The following CWC27 variants were observed in gnomAD, a reference collection of about 807,000 sequenced individuals.
The protein encoded by CWC27 is CWC27 spliceosome associated cyclophilin.
In CWC27, 47 loss-of-function variants were observed where a neutral mutation model predicts 63.6. The ratio of observed to expected loss-of-function variants is 0.74; its 90% CI spans 0.58 to 0.94. The LOEUF is 0.94. Among genes scored for constraint, CWC27 ranks in the 40% least tolerant of loss-of-function variants. The pLI is 0.00. For synonymous variants in CWC27, 175 were observed against 179.8 expected, an observed-to-expected ratio of 0.97 and a Z score of 0.22; for missense variants, 495 against 554.3, an observed-to-expected ratio of 0.89 and a Z score of 1.07.
intron 10 of CWC27, among the ~76,000 whole-genome samples, chr5:64,863,084 T>C (rs1746450677): frequency 6.6e-6 from 1 of 152,204 alleles, no homozygotes; most frequent in South Asian, 2.1e-4. Flanking sequence ...CAGTATCTCC[T>C]ACCCTTTTAA....
intron 11 of CWC27, among the ~76,000 whole-genome samples, chr5:64,925,327 T>C (rs1387686058): frequency 6.6e-6 from 1 of 152,188 alleles, no homozygotes; most frequent in African/African-American, 2.4e-5. Context: ...TTTACACATC[T>C]TCACCCAAAC....
At chr5:64,828,279 C>T (rs553287799) in intron 10 of CWC27, among the ~76,000 whole-genome samples, 1 of 152,272 alleles carries the variant, frequency 6.6e-6, no homozygotes, top group East Asian at 1.9e-4. Context: ...CTCTGTCCCA[C>T]TTAATCTTCC....
At chr5:64,799,602 A>ATATATATATATATATATATATGTG (rs143997810) in intron 7 of CWC27, among the ~76,000 whole-genome samples, 1 of 132,830 alleles carries the variant, frequency 7.5e-6, no homozygotes, top group Non-Finnish European at 1.6e-5. Context: ...ATATATATAT[A>ATATATATATATATATATATATGTG]CTTAATAGCA....
intron 11 of CWC27, among the ~76,000 whole-genome samples, chr5:64,924,855 C>T (rs1385689656): frequency 1.3e-5 from 2 of 152,036 alleles, no homozygotes; most frequent in Non-Finnish European, 2.9e-5. Context: ...TTATGTAAAG[C>T]ATTTAGCATA....
At chr5:64,849,800 C>A (rs541343705) in intron 10 of CWC27, among the ~76,000 whole-genome samples, 1 of 147,898 alleles carries the variant, frequency 6.8e-6, no homozygotes, top group South Asian at 2.1e-4. Context: ...TGTGGCAGTT[C>A]TCTCTCTCTC....
At chr5:64,809,520 A>G (rs1744804030) in intron 10 of CWC27, among the ~76,000 whole-genome samples, 2 of 152,120 alleles carry the variant, frequency 1.3e-5, no homozygotes, top group Admixed American at 6.6e-5. Context: ...GGAGCGTGCC[A>G]CCACGCCAGG....
At chr5:64,930,572 GA>G in intron 11 of CWC27, among the ~76,000 whole-genome samples, 1 of 152,232 alleles carries the variant, frequency 6.6e-6, no homozygotes, top group East Asian at 1.9e-4. Context: ...GAGAGTGGTG[GA>G]ATTGGAAAAT....
At chr5:65,006,460 C>A (rs1749843687) in intron 13 of CWC27, among the ~76,000 whole-genome samples, 1 of 152,074 alleles carries the variant, frequency 6.6e-6, no homozygotes, top group African/African-American at 2.4e-5. Context: ...TTTTAAGATT[C>A]TAACTCACCA....
At chr5:64,822,808 T>G (rs891405724) in intron 10 of CWC27, among the ~76,000 whole-genome samples, 15 of 152,174 alleles carry the variant, frequency 9.9e-5, no homozygotes, top group African/African-American at 3.4e-4. Flanking sequence ...AAGAGTAATA[T>G]GAGTAGGAAG....
intron 2 of CWC27, among the ~76,000 whole-genome samples, chr5:64,779,980 G>A (rs1301511000): frequency 1.3e-5 from 2 of 152,004 alleles, no homozygotes; most frequent in Non-Finnish European, 2.9e-5. Flanking sequence ...CAGCAATGTG[G>A]GACTGTCAAT....
chr5:64,972,998 A>T (rs978399509), intron 12 of CWC27, among the ~76,000 whole-genome samples: 3 of 152,206 alleles, frequency 2.0e-5, no homozygotes, highest in African/African-American at 4.8e-5. Context: ...GGCCTTCCTA[A>T]GGAAATGATT....
intron 11 of CWC27, among the ~76,000 whole-genome samples, chr5:64,949,933 G>A (rs1379911160): frequency 6.6e-6 from 1 of 151,910 alleles, no homozygotes; most frequent in Non-Finnish European, 1.5e-5. Context: ...CCAGGCATCG[G>A]TACTTTTTGA....
At chr5:64,990,665 A>G (rs1025858943) in intron 13 of CWC27, among the ~76,000 whole-genome samples, 2 of 152,194 alleles carry the variant, frequency 1.3e-5, no homozygotes, top group East Asian at 3.8e-4. Flanking sequence ...CCAGATACTG[A>G]GCCTTTTGTA....
rs1227700019 is a variant in CWC27, at chr5:64,825,990, C to A, written c.938+21604C>A. ...CAGTTCATGCCCAAAAGTTCCAGCA[C>A]GCCCTTCCTGATGGCTTGCTTGCTC... On this transcript the variant is annotated intron_variant, in intron 10 of 13. Coordinates refer to ENST00000381070, the MANE Select transcript of CWC27 (RefSeq NM_005869.4). Among the ~76,000 whole-genome samples the A allele has an allele frequency of 2.6e-5, 4 of 152,318 alleles. No individual in the cohort carries two copies. In the East Asian group the frequency reaches 5.8e-4, roughly 22 times the overall value.
intron 11 of CWC27, among the ~76,000 whole-genome samples, chr5:64,946,627 C>T (rs1202718836): frequency 6.6e-6 from 1 of 151,992 alleles, no homozygotes; most frequent in East Asian, 1.9e-4. Context: ...TTCATCTGGG[C>T]CTTAAGAATG....
intron 11 of CWC27, among the ~76,000 whole-genome samples, chr5:64,905,705 T>C (rs1434029931): frequency 6.6e-6 from 1 of 152,174 alleles, no homozygotes; most frequent in Non-Finnish European, 1.5e-5. Context: ...ACACTTTAAG[T>C]TCTAGGGTAC....
chr5:64,839,049 G>T (rs560628645), intron 10 of CWC27, among the ~76,000 whole-genome samples: 28 of 152,264 alleles, frequency 1.8e-4, no homozygotes, highest in Middle Eastern at 3.4e-3. Flanking sequence ...GGAAGGTGGG[G>T]CCATTTTCAG....
rs1198140285 is a variant in CWC27 at position 64,916,890 on chromosome 5, A to AGTAGTG, written c.1042+31349_1042+31350insGGTAGT. 2.7e-5 allele frequency among the ~76,000 whole-genome samples: 4 copies of AGTAGTG among 146,578 alleles called. No homozygotes were observed. The Admixed American group carries it at 2.7e-4, about 10-fold the overall frequency. On this transcript the variant is annotated intron_variant, in intron 11 of 13. Coordinates refer to ENST00000381070, the MANE Select transcript of CWC27 (RefSeq NM_005869.4). ...TTTTGGTGGCAGTAGTAGTATTAGT[A>AGTAGTG]GTAGTAGTAGTAGTAGTAGTAGTAG...
intron 11 of CWC27, among the ~76,000 whole-genome samples, chr5:64,906,665 T>C (rs1179403439): frequency 1.3e-5 from 2 of 152,236 alleles, no homozygotes; most frequent in African/African-American, 2.4e-5. Context: ...GCAGAAGCTC[T>C]TTAGTTTAAT....
Sources: gnomAD v4.1 joint callset for allele counts (sites outside exome capture counted in the v4.1 genomes callset) on GRCh38, gnomAD v4.1.1 for gene constraint, MANE v1.5 for transcripts, NCBI Gene and HGNC (gene_info 2026-07-23, HGNC 2026-07-21) for gene names.